The following UBA1 variants were observed in gnomAD, a reference collection of about 807,000 sequenced individuals.
UBA1 encodes the protein ubiquitin like modifier activating enzyme 1.
Under a neutral mutation model 84.7 loss-of-function variants are expected in UBA1, and 4 were observed. That is an observed-to-expected ratio of 0.05 (90% confidence interval 0.02 to 0.11). The LOEUF (loss-of-function observed/expected upper bound fraction) is 0.11, where lower values mean the gene tolerates loss of function less well. Ranked by LOEUF, UBA1 falls within the 10% of genes least tolerant of loss-of-function variation. The pLI, the probability that UBA1 is intolerant of heterozygous loss-of-function variation, is 1.00. For missense variants in UBA1, 513 were observed against 902.8 expected, an observed-to-expected ratio of 0.57 and a Z score of 5.53; for synonymous variants, 364 against 362.6, an observed-to-expected ratio of 1.00 and a Z score of -0.04.
At chrX:47,202,866 A>T (rs1556788879) in intron 11 of UBA1, 52 bp downstream of exon 11, 2 of 1,196,389 alleles carry the variant, frequency 1.7e-6, no homozygotes, top group African/African-American at 3.5e-5. Context: ...TTCCTCCATG[A>T]CTCTGTCACT....
At chrX:47,198,352 GA>G in intron 1 of UBA1, 1 of 926,545 alleles carries the variant, frequency 1.1e-6, no homozygotes, top group Non-Finnish European at 1.4e-6. Flanking sequence ...ACCCCGTGGG[GA>G]AGGTAAGTGG....
intron 19 of UBA1, 51 bp from the exon 20 acceptor site, chrX:47,210,984 TC>T: frequency 8.3e-7 from 1 of 1,208,218 alleles, no homozygotes; most frequent in Non-Finnish European, 1.1e-6. Context: ...AGGTGGCGGC[TC>T]CCCACTCGAG....
Position 47,200,998 on chromosome X carries a change from T to G in UBA1, c.585T>G (p.Phe195Leu), listed in dbSNP as rs1936395993. The change falls in exon 6 of 26, where the codon TTT (phenylalanine) becomes TTG (leucine). Residue 195 changes from phenylalanine (F) to leucine (L), a missense_variant and splice_region_variant. This residue lies in a region of UBA1 where 227 missense variants were observed against 339.1 expected (regional missense o/e 0.67). Transcript: ENST00000335972. ...TGGTGGCAGACACGCGGGGCCTGTT[T>G]GGGTGAGTGGCAGCCCACCTCCCTC... Reference protein sequence around the residue: ...KLVVADTRGLFGQLFCDFGEE... With the variant: ...KLVVADTRGLLGQLFCDFGEE... The G allele has an allele frequency of 8.4e-7, 1 of 1,189,726 alleles. No individual in the cohort carries two copies. Among genetic ancestry groups the G allele is most frequent in the Non-Finnish European group, 1.1e-6 (1 of 882,262 alleles).
intron 6 of UBA1, 74 bp downstream of exon 6, chrX:47,201,074 C>A: frequency 1.0e-6 from 1 of 964,684 alleles, no homozygotes; most frequent in Non-Finnish European, 1.5e-6. Flanking sequence ...AGACTCTAGG[C>A]TCTCCCTGCC....
At chrX:47,209,582 G>A (rs781953338) in intron 16 of UBA1, 41 bp from the exon 17 acceptor site, 69 of 1,181,948 alleles carry the variant, frequency 5.8e-5, no homozygotes, top group Non-Finnish European at 1.0e-5. Flanking sequence ...AACCCATTTT[G>A]TCAACTGTGG....
At chrX:47,212,659 A>G in intron 21 of UBA1, 112 bp from the exon 22 acceptor site, 1 of 880,457 alleles carries the variant, frequency 1.1e-6, no homozygotes, top group Non-Finnish European at 1.6e-6. Flanking sequence ...AGGTGTTCCC[A>G]GCCATCCCTT....
chrX:47,210,453 T>C (rs1936870943), intron 18 of UBA1, among the ~76,000 whole-genome samples: 1 of 111,762 alleles, frequency 8.9e-6, no homozygotes, highest in South Asian at 3.7e-4. Context: ...CTTAGGCAAA[T>C]CACGTAACTT....
Position 47,213,134 on chromosome X carries a change from C to T in UBA1, c.2791C>T (p.Leu931=), listed in dbSNP as rs1936995871. The T allele has an allele frequency of 8.3e-7, 1 of 1,210,095 alleles. No individual in the cohort carries two copies. Among genetic ancestry groups the T allele is most frequent in the Admixed American group, 2.2e-5 (1 of 45,829 alleles). Reference sequence around the variant, plus strand: ...CAAGAATGGTTTCCTCAACTTGGCCCTGCCTTTCTTTGGTTTCTCTGAACC... The same window carrying T: ...CAAGAATGGTTTCCTCAACTTGGCCTTGCCTTTCTTTGGTTTCTCTGAACC... ...SYKNGFLNLA[L]PFFGFSEPLA... Residue 931 remains leucine, a synonymous_variant, in exon 23 of 26, where the codon CTG becomes TTG. Transcript: ENST00000335972.
intron 1 of UBA1, chrX:47,198,346 C>T (rs782364892): frequency 6.9e-5 from 65 of 939,509 alleles, no homozygotes; most frequent in Non-Finnish European, 8.9e-5. Flanking sequence ...TCGATAACCC[C>T]GTGGGGAAGG....
Position 47,212,760 on chromosome X carries a change from A to G in UBA1, c.2554-11A>G. On this transcript the variant is annotated splice_polypyrimidine_tract_variant and intron_variant, in intron 21 of 25. Coordinates refer to ENST00000335972, the MANE Select transcript of UBA1 (RefSeq NM_003334.4). ...TCCCCACTGCCTTCACACCCTCCCCACTCATAACAGGATGATGACAGCAAC... is the reference window on the plus strand; with the variant it reads ...TCCCCACTGCCTTCACACCCTCCCCGCTCATAACAGGATGATGACAGCAAC... 8.3e-7 allele frequency: 1 copy of G among 1,203,311 alleles called. No individual in the cohort carries two copies. The highest frequency in any genetic ancestry group is 1.1e-6 in the Non-Finnish European group (1 of 888,720).
intron 22 of UBA1, 39 bp downstream of exon 22, chrX:47,212,902 G>T (rs782177107): frequency 8.3e-7 from 1 of 1,207,242 alleles, no homozygotes. Flanking sequence ...CCCTCCTCCA[G>T]GTTTGAGTTA....
rs781996319 is a variant in UBA1, at chrX:47,201,603, A to C, written c.804A>C (p.Lys268Asn). Reference protein sequence around the residue: ...ELNGNQPMEIKVLGPYTFSIC... With the variant: ...ELNGNQPMEINVLGPYTFSIC... ...ACGGAAATCAGCCCATGGAGATCAAAGTCCTGGGTGAGCTGCGACCATGGG... is the reference window on the plus strand; with the variant it reads ...ACGGAAATCAGCCCATGGAGATCAACGTCCTGGGTGAGCTGCGACCATGGG... The change falls in exon 8 of 26, where the codon AAA (lysine) becomes AAC (asparagine). Residue 268 changes from lysine to asparagine, a missense_variant. By Grantham distance (94) the Lys-to-Asn change is moderately conservative. Around this residue, in one of 6 missense-constraint regions of UBA1, gnomAD observed 227 missense variants for 339.1 expected, o/e 0.67. Transcript: ENST00000335972. 73 of 1,210,098 alleles carry C rather than the reference A, an allele frequency of 6.0e-5. No individual in the cohort carries two copies. The East Asian group carries it at 2.1e-3, about 35-fold the overall frequency.
chrX:47,202,878 GCT>G, intron 11 of UBA1, 63 bp from the exon 12 acceptor site: 3 of 1,200,717 alleles, frequency 2.5e-6, no homozygotes, highest in South Asian at 3.6e-5. Flanking sequence ...TCTGTCACTT[GCT>G]CTCTGTCTGT....
In UBA1 at chrX:47,199,052, T is replaced by C. The variant is rs782416867; in HGVS notation, c.122T>C (p.Met41Thr). The C allele has an allele frequency of 1.6e-6, 2 of 1,212,350 alleles. No individual in the cohort carries two copies. Among genetic ancestry groups the C allele is most frequent in the Non-Finnish European group, 2.2e-6 (2 of 895,592 alleles). ...SEVPSVPTNG[M>T]AKNGSEADID... is the part of the protein sequence containing the mutation. ...GTTCTTTTCCTCTATTCCTAGGGAA[T>C]GGCCAAGAACGGCAGTGAAGCAGAC... The change falls in exon 3 of 26, where the codon ATG (methionine) becomes ACG (threonine). Residue 41 changes from methionine (M) to threonine (T), a missense_variant. Physicochemically the swap from Met to Thr is moderately conservative, Grantham distance 81. This residue lies in a region of UBA1 where 38 missense variants were observed against 43.4 expected (regional missense o/e 0.88). Transcript: ENST00000335972.
At chrX:47,211,377 T>C in intron 20 of UBA1, 152 bp downstream of exon 20, 2 of 662,595 alleles carry the variant, frequency 3.0e-6, no homozygotes, top group Non-Finnish European at 4.7e-6. Flanking sequence ...CCCTTTGACA[T>C]GAAGAGGGTA....
In UBA1 at chrX:47,211,128, A is replaced by G; in HGVS notation, c.2367A>G (p.Thr789=). 8.3e-7 allele frequency: 1 copy of G among 1,211,593 alleles called. No homozygotes were observed. Among genetic ancestry groups the G allele is most frequent in the Non-Finnish European group, 1.1e-6 (1 of 895,471 alleles). Residue 789 remains threonine, a synonymous_variant, in exon 20 of 26, where the codon ACA becomes ACG. Transcript: ENST00000335972. ...TGSQDRAAVA[T]FLQSVQVPEF... is the part of the protein sequence containing the mutation. ...CTCAGGACCGAGCTGCTGTGGCCAC[A>G]TTCCTGCAGTCTGTGCAGGTCCCCG...
intron 25 of UBA1, 57 bp downstream of exon 25, chrX:47,214,694 C>T: frequency 8.4e-7 from 1 of 1,192,287 alleles, no homozygotes; most frequent in Non-Finnish European, 1.1e-6. Context: ...GGAGCCTCAT[C>T]ATCCAGCTGT....
chrX:47,200,944 G>A lies in UBA1; in HGVS notation c.531G>A (p.Glu177=), dbSNP rs1304632372. The change falls in exon 6 of 26, where the codon GAG becomes GAA. Residue 177 remains glutamate, a synonymous_variant. Transcript: ENST00000335972. ...TGGAGGACCAGCTGCGAGTGGGTGA[G>A]TTCTGTCACAACCGTGGCATCAAGC... ...TPLEDQLRVG[E]FCHNRGIKLV... is the part of the protein sequence containing the mutation. 4 of 1,203,796 alleles carry A rather than the reference G, an allele frequency of 3.3e-6. No individual in the cohort carries two copies. The highest frequency in any genetic ancestry group is 3.5e-5 in the African/African-American group (2 of 57,080).
At chrX:47,204,965 A>G (rs1395483274) in intron 14 of UBA1, 2 of 113,964 alleles carry the variant, frequency 1.8e-5, no homozygotes, top group Non-Finnish European at 3.7e-5. Context: ...AATAGACACA[A>G]TACGATCGTG....
Sources: allele counts gnomAD v4.1 joint callset (sites outside exome capture counted in the v4.1 genomes callset), GRCh38; gene constraint gnomAD v4.1.1; regional missense constraint gnomAD v4.1.1; transcripts MANE v1.5; gene names NCBI Gene and HGNC (gene_info 2026-07-23, HGNC 2026-07-21).